Variants in PRUNE2 observed in about 807,000 individuals in gnomAD.
The protein encoded by PRUNE2 is protein prune homolog 2.
A neutral mutation model predicts 252.0 loss-of-function variants in PRUNE2; 164 were observed. The ratio of observed to expected loss-of-function variants is 0.65; its 90% confidence interval spans 0.57 to 0.74. PRUNE2 has a LOEUF of 0.74. Ranked by LOEUF, PRUNE2 falls within the 30% of genes least tolerant of loss-of-function variation. The pLI, the probability that PRUNE2 is intolerant of heterozygous loss-of-function variation, is 0.00. For missense variants in PRUNE2, 3,495 were observed against 3,711.0 expected (o/e 0.94, Z 1.51); for synonymous variants, 1,292 against 1,350.2 (o/e 0.96, Z 0.94).
chr9:76,683,885 C>T (rs1181330633), intron 9 of PRUNE2, among the ~76,000 whole-genome samples: 4 of 150,784 alleles, frequency 2.7e-5, no homozygotes, highest in South Asian at 2.1e-4. Context: ...TATGTATTTG[C>T]ATACCCCATG....
At chr9:76,669,345 G>A (rs1563978802) in intron 9 of PRUNE2, among the ~76,000 whole-genome samples, 1 of 151,160 alleles carries the variant, frequency 6.6e-6, no homozygotes, top group Non-Finnish European at 1.5e-5. Context: ...TTGAGATGAA[G>A]TTTCACTCTT....
chr9:76,819,514 G>A (rs1397738034), intron 6 of PRUNE2: 1 of 152,252 alleles, frequency 6.6e-6, no homozygotes, highest in South Asian at 2.1e-4. Flanking sequence ...CCTTGATCAT[G>A]GACTTCTAGC....
chr9:76,778,893 TCAACAAATTGAA>T (rs2054080051), intron 6 of PRUNE2: 1 of 152,228 alleles, frequency 6.6e-6, no homozygotes, highest in South Asian at 2.1e-4. Context: ...CACTTGTGCC[TCAACAAATTGAA>T]CTGTTAACAA....
chr9:76,825,403 T>C (rs1487237268), intron 5 of PRUNE2, among the ~76,000 whole-genome samples: 1 of 152,186 alleles, frequency 6.6e-6, no homozygotes, highest in Non-Finnish European at 1.5e-5. Flanking sequence ...TCTGGTGGGA[T>C]TAAGCTCTGG....
chr9:76,702,947 C>T (rs551300303), intron 9 of PRUNE2, among the ~76,000 whole-genome samples: 1 of 152,140 alleles, frequency 6.6e-6, no homozygotes, highest in East Asian at 1.9e-4. Flanking sequence ...CCTTCCATTC[C>T]CCCCACTGGC....
intron 6 of PRUNE2, among the ~76,000 whole-genome samples, chr9:76,761,497 T>C (rs546266255): frequency 6.6e-6 from 1 of 152,358 alleles, no homozygotes; most frequent in African/African-American, 2.4e-5. Flanking sequence ...GTCAATTTAA[T>C]TTGTAAGAAT....
At chr9:76,859,172 A>G (rs1589627979) in intron 1 of PRUNE2, among the ~76,000 whole-genome samples, 1 of 152,360 alleles carries the variant, frequency 6.6e-6, no homozygotes, top group East Asian at 1.9e-4. Context: ...AAATAGATGG[A>G]CAGAATCTTT....
At chr9:76,671,238 G>A (rs986535872) in intron 9 of PRUNE2, among the ~76,000 whole-genome samples, 2 of 145,536 alleles carry the variant, frequency 1.4e-5, no homozygotes, top group Non-Finnish European at 3.0e-5. Context: ...ACCAAGGCTC[G>A]AGAACTACGT....
chr9:76,661,812 G>A (rs992573480), intron 9 of PRUNE2, among the ~76,000 whole-genome samples: 1 of 151,536 alleles, frequency 6.6e-6, no homozygotes, highest in African/African-American at 2.4e-5. Flanking sequence ...GAATATGGCA[G>A]ATCTGAACAA....
intron 1 of PRUNE2, among the ~76,000 whole-genome samples, chr9:76,883,605 A>C (rs1374473019): frequency 6.6e-6 from 1 of 152,222 alleles, no homozygotes; most frequent in Non-Finnish European, 1.5e-5. Flanking sequence ...CCACATTTCC[A>C]TTATACTGCC....
chr9:76,861,595 G>C (rs1255493122), intron 1 of PRUNE2, among the ~76,000 whole-genome samples: 1 of 152,092 alleles, frequency 6.6e-6, no homozygotes, highest in African/African-American at 2.4e-5. Context: ...TGGAGCACTG[G>C]ACATCAACTA....
intron 9 of PRUNE2, among the ~76,000 whole-genome samples, chr9:76,678,408 A>AG (rs2043006508): frequency 6.7e-6 from 1 of 148,696 alleles, no homozygotes; most frequent in Non-Finnish European, 1.5e-5. Flanking sequence ...GGAGGAAGGG[A>AG]GGAAAAAAGG....
At chr9:76,681,890 G>A (rs970827709) in intron 9 of PRUNE2, among the ~76,000 whole-genome samples, 2 of 152,024 alleles carry the variant, frequency 1.3e-5, no homozygotes, top group African/African-American at 4.8e-5. Flanking sequence ...ATCTAGTCAG[G>A]GTGTATCTTT....
intron 6 of PRUNE2, among the ~76,000 whole-genome samples, chr9:76,790,378 T>C (rs2055433909): frequency 6.6e-6 from 1 of 152,216 alleles, no homozygotes; most frequent in Non-Finnish European, 1.5e-5. Flanking sequence ...GACCTCTAGT[T>C]AACTAGTTAA....
Position 76,896,939 on chromosome 9 carries a change from T to C in PRUNE2, c.36+8989A>G, listed in dbSNP as rs968459546. Among the ~76,000 whole-genome samples, 5 of 152,250 alleles carry C rather than the reference T, an allele frequency of 3.3e-5. No homozygotes were observed. In the East Asian group the frequency reaches 9.6e-4, roughly 29 times the overall value. On this transcript the variant is annotated intron_variant, in intron 1 of 18. Transcript: ENST00000376718. ...CAAATGATGCCCATAACATTTCTAA[T>C]TACTCTAAAAGCTAATCACACACAT...
chr9:76,768,492 C>T (rs917088778), intron 6 of PRUNE2, among the ~76,000 whole-genome samples: 1 of 152,006 alleles, frequency 6.6e-6, no homozygotes, highest in African/African-American at 2.4e-5. Context: ...TACTCCTGGC[C>T]CCATTTCAAC....
intron 9 of PRUNE2, among the ~76,000 whole-genome samples, chr9:76,671,756 T>C (rs1215594488): frequency 6.6e-6 from 1 of 150,578 alleles, no homozygotes; most frequent in Non-Finnish European, 1.5e-5. Flanking sequence ...TTCAACATTC[T>C]TAAAGAAAAG....
At chr9:76,623,360 T>C (rs913542381) in intron 17 of PRUNE2, among the ~76,000 whole-genome samples, 1 of 151,898 alleles carries the variant, frequency 6.6e-6, no homozygotes, top group Admixed American at 6.6e-5. Flanking sequence ...AGTGGCATGA[T>C]CTCGGCTCAC....
At chr9:76,816,275 C>T (rs1056233961) in intron 6 of PRUNE2, among the ~76,000 whole-genome samples, 3 of 151,868 alleles carry the variant, frequency 2.0e-5, no homozygotes, top group African/African-American at 7.3e-5. Flanking sequence ...TGTAAATATT[C>T]TAAATATTAT....
Sources: allele counts gnomAD v4.1 joint callset (sites outside exome capture counted in the v4.1 genomes callset), GRCh38; gene constraint gnomAD v4.1.1; transcripts MANE v1.5; gene names NCBI Gene and HGNC (gene_info 2026-07-23, HGNC 2026-07-21).